The following GRM8 variants were observed in gnomAD, a reference collection of about 807,000 sequenced individuals.
The protein encoded by GRM8 is glutamate metabotropic receptor 8.
A neutral mutation model predicts 87.2 loss-of-function variants in GRM8; 47 were observed. The ratio of observed to expected loss-of-function variants is 0.54; its 90% CI spans 0.43 to 0.69. GRM8 has a LOEUF of 0.69. GRM8 is among the 30% of genes least tolerant of loss of function. The pLI is 0.00. For missense variants in GRM8, 1,019 were observed against 1,139.2 expected (o/e 0.89, Z 1.52); for synonymous variants, 396 against 404.5 (o/e 0.98, Z 0.25).
intron 6 of GRM8, among the ~76,000 whole-genome samples, chr7:126,885,222 C>A (rs1395340692): frequency 6.6e-6 from 1 of 152,168 alleles, no homozygotes; most frequent in African/African-American, 2.4e-5. Flanking sequence ...GGTTGCAGAA[C>A]CACGCTGGCT....
At chr7:126,937,574 C>A (rs1173435552) in intron 3 of GRM8, among the ~76,000 whole-genome samples, 1 of 152,186 alleles carries the variant, frequency 6.6e-6, no homozygotes, top group Non-Finnish European at 1.5e-5. Flanking sequence ...CCATCAAGGA[C>A]AATGGACAGG....
chr7:126,984,675 A>C (rs1811872305), intron 3 of GRM8, among the ~76,000 whole-genome samples: 1 of 152,094 alleles, frequency 6.6e-6, no homozygotes, highest in Non-Finnish European at 1.5e-5. Context: ...TATAGATATA[A>C]ATATGTCCTA....
chr7:127,087,410 A>G (rs1183858469), intron 3 of GRM8, among the ~76,000 whole-genome samples: 1 of 152,372 alleles, frequency 6.6e-6, no homozygotes, highest in East Asian at 1.9e-4. Context: ...TCACAGGTGT[A>G]AAATCAGTAG....
intron 9 of GRM8, among the ~76,000 whole-genome samples, chr7:126,479,717 T>A (rs1344152771): frequency 6.6e-6 from 1 of 150,656 alleles, no homozygotes; most frequent in Non-Finnish European, 1.5e-5. Context: ...ACTTTCAAAC[T>A]TTATCGTGGA....
intron 9 of GRM8, among the ~76,000 whole-genome samples, chr7:126,482,928 T>C (rs936888396): frequency 6.6e-6 from 1 of 151,612 alleles, no homozygotes; most frequent in Non-Finnish European, 1.5e-5. Flanking sequence ...TCTATAAAGG[T>C]TTATGTGACA....
At chr7:126,869,198 A>C (rs191418154) in intron 6 of GRM8, 2 of 152,370 alleles carry the variant, frequency 1.3e-5, no homozygotes, top group East Asian at 3.9e-4. Context: ...GCAACAATCC[A>C]GTCACATCTT....
At chr7:126,983,145 CATT>C (rs1242354622) in intron 3 of GRM8, among the ~76,000 whole-genome samples, 9 of 152,078 alleles carry the variant, frequency 5.9e-5, no homozygotes, top group African/African-American at 1.4e-4. Flanking sequence ...TCAAAGGAAT[CATT>C]GTTGTGTCTC....
intron 3 of GRM8, among the ~76,000 whole-genome samples, chr7:127,100,793 T>C (rs1351032961): frequency 2.6e-5 from 4 of 152,180 alleles, no homozygotes; most frequent in Non-Finnish European, 5.9e-5. Flanking sequence ...GGGATTATTA[T>C]AATTTAAGGT....
rs149304524 is a variant in GRM8 at position 127,137,335 on chromosome 7, A to T, written c.511-30623T>A. Among the ~76,000 whole-genome samples the T allele has an allele frequency of 5.8e-4, 89 of 152,242 alleles. No homozygotes were observed. In the East Asian group the frequency reaches 0.017, roughly 29 times the overall value. ...AGTAATGTGGATACCTCTAAGTTGT[A>T]TAGGCACTATCTGCTCATGTTCTCA... is the stretch of plus-strand genomic sequence containing the variant. On this transcript the variant is annotated intron_variant, in intron 2 of 10. Coordinates refer to ENST00000339582, the MANE Select transcript of GRM8 (RefSeq NM_000845.3).
intron 6 of GRM8, among the ~76,000 whole-genome samples, chr7:126,813,572 G>A (rs1793501282): frequency 6.6e-6 from 1 of 152,020 alleles, no homozygotes; most frequent in South Asian, 2.1e-4. Context: ...TGGTGGGGAA[G>A]ATTTATGGAC....
intron 3 of GRM8, among the ~76,000 whole-genome samples, chr7:126,961,403 T>C (rs143142824): frequency 1.1e-3 from 174 of 152,374 alleles, no homozygotes; most frequent in African/African-American, 4.0e-3. Flanking sequence ...TCTTTTCTTC[T>C]CTTATACCAT....
intron 2 of GRM8, among the ~76,000 whole-genome samples, chr7:127,231,184 CA>C (rs1797665591): frequency 6.6e-6 from 1 of 152,060 alleles, no homozygotes; most frequent in African/African-American, 2.4e-5. Context: ...TACTAAGTTA[CA>C]GAAGGAGAAT....
intron 1 of GRM8, 118 bp from the exon 2 acceptor site, chr7:127,243,633 C>A (rs1798430314): frequency 6.2e-6 from 1 of 161,334 alleles, no homozygotes; most frequent in South Asian, 1.9e-4. Flanking sequence ...GAAACTAATT[C>A]TTTTTGTCCC....
At chr7:126,988,634 G>A (rs1030914233) in intron 3 of GRM8, among the ~76,000 whole-genome samples, 12 of 152,268 alleles carry the variant, frequency 7.9e-5, no homozygotes, top group Admixed American at 5.9e-4. Context: ...GTAATTCCCA[G>A]ATTTTTGTCA....
At chr7:126,988,718 A>G (rs114860623) in intron 3 of GRM8, among the ~76,000 whole-genome samples, 2,078 of 152,328 alleles carry the variant, frequency 0.014, 42 homozygotes, top group African/African-American at 0.047. Flanking sequence ...GATGTAAGTA[A>G]TTCTACATTT....
chr7:127,006,802 A>C (rs1384643500), intron 3 of GRM8, among the ~76,000 whole-genome samples: 1 of 151,898 alleles, frequency 6.6e-6, no homozygotes, highest in Non-Finnish European at 1.5e-5. Context: ...GATAGTCTCA[A>C]GTTCCATTGT....
chr7:127,202,516 TA>T (rs1234905941), intron 2 of GRM8, among the ~76,000 whole-genome samples: 30 of 152,286 alleles, frequency 2.0e-4, no homozygotes, highest in African/African-American at 6.7e-4. Context: ...TATTTACAAA[TA>T]AATATTGCTA....
At chr7:126,799,077 G>C (rs1822335035) in intron 6 of GRM8, among the ~76,000 whole-genome samples, 1 of 152,090 alleles carries the variant, frequency 6.6e-6, no homozygotes, top group Non-Finnish European at 1.5e-5. Context: ...GGACTAAAAT[G>C]CCATAGTAAC....
At chr7:126,456,126 AC>A (rs1020746546) in intron 9 of GRM8, among the ~76,000 whole-genome samples, 1 of 151,664 alleles carries the variant, frequency 6.6e-6, no homozygotes, top group Non-Finnish European at 1.5e-5. Context: ...ATCAAACCAA[AC>A]CAACTTCTGA....
Sources: gnomAD v4.1 joint callset for allele counts (sites outside exome capture counted in the v4.1 genomes callset) on GRCh38, gnomAD v4.1.1 for gene constraint, MANE v1.5 for transcripts, NCBI Gene and HGNC (gene_info 2026-07-23, HGNC 2026-07-21) for gene names.